Variants in SAMMSON observed in about 807,000 individuals in gnomAD.
SAMMSON encodes the protein survival associated mitochondrial melanoma specific oncogenic non-coding RNA, also known as long intergenic non-protein coding RNA 1212.
intron 6 of SAMMSON, among the ~76,000 whole-genome samples, chr3:70,280,153 T>C (rs980840716): frequency 1.3e-5 from 2 of 152,140 alleles, no homozygotes; most frequent in African/African-American, 2.4e-5. Flanking sequence ...TCCTGACCTG[T>C]GACTGCTGCA....
chr3:70,110,976 G>A (rs1020290470), intron 4 of SAMMSON, among the ~76,000 whole-genome samples: 7 of 152,150 alleles, frequency 4.6e-5, no homozygotes, highest in African/African-American at 1.7e-4. Context: ...TACTCACGAT[G>A]CTCCTGGCTT....
intron 4 of SAMMSON, among the ~76,000 whole-genome samples, chr3:70,073,968 T>C (rs938104405): frequency 6.6e-6 from 1 of 152,050 alleles, no homozygotes; most frequent in Non-Finnish European, 1.5e-5. Context: ...CTGGCTTCCT[T>C]TCTAGCAGGT....
chr3:70,242,967 G>T (rs946610874), intron 4 of SAMMSON, among the ~76,000 whole-genome samples: 3 of 152,100 alleles, frequency 2.0e-5, no homozygotes, highest in Non-Finnish European at 4.4e-5. Flanking sequence ...ATTGCCCCAG[G>T]CCTAACCTAA....
At chr3:70,206,985 C>A (rs1254695365) in intron 4 of SAMMSON, among the ~76,000 whole-genome samples, 2 of 150,450 alleles carry the variant, frequency 1.3e-5, no homozygotes, top group Non-Finnish European at 3.0e-5. Flanking sequence ...AAATTTTATA[C>A]ACATTGCAAA....
chr3:70,284,838 A>AC, intron 6 of SAMMSON, among the ~76,000 whole-genome samples: 1 of 151,728 alleles, frequency 6.6e-6, no homozygotes. Context: ...TGTATAACAA[A>AC]CCCCCATGAC....
At chr3:70,372,721 G>A (rs1702980769) in intron 9 of SAMMSON, among the ~76,000 whole-genome samples, 1 of 152,056 alleles carries the variant, frequency 6.6e-6, no homozygotes. Context: ...CCTCATCAGG[G>A]TCTTGTAGAA....
chr3:70,026,043 A>G (rs1334682985), intron 3 of SAMMSON, among the ~76,000 whole-genome samples: 1 of 152,204 alleles, frequency 6.6e-6, no homozygotes, highest in Non-Finnish European at 1.5e-5. Context: ...GAAATGACAA[A>G]CAATGAAATT....
chr3:70,027,865 G>A (rs759511855), intron 3 of SAMMSON, among the ~76,000 whole-genome samples: 4 of 152,104 alleles, frequency 2.6e-5, no homozygotes, highest in Non-Finnish European at 4.4e-5. Context: ...AAGGTAATGC[G>A]GTGATTTCTT....
intron 7 of SAMMSON, chr3:70,312,824 C>T (rs1702466796): frequency 6.6e-6 from 1 of 151,772 alleles, no homozygotes; most frequent in Non-Finnish European, 1.5e-5. Context: ...TTTAAAATGA[C>T]ATTCTGCAAA....
At chr3:70,211,895 G>GTCCTTTCCTTTCCTTTCCTTTGTCCTT (rs138398263) in intron 4 of SAMMSON, among the ~76,000 whole-genome samples, 1 of 132,152 alleles carries the variant, frequency 7.6e-6, no homozygotes, top group African/African-American at 2.9e-5. Flanking sequence ...CCTTCCCTTT[G>GTCCTTTCCTTTCCTTTCCTTTGTCCTT]TCCTTTCCTT....
intron 7 of SAMMSON, among the ~76,000 whole-genome samples, chr3:70,353,933 G>T (rs1054573453): frequency 6.6e-5 from 10 of 152,060 alleles, no homozygotes; most frequent in African/African-American, 2.4e-4. Context: ...ATATGCTAAG[G>T]GATAAAAGCC....
At chr3:70,140,114 C>G (rs1347172821) in intron 4 of SAMMSON, 2 of 153,892 alleles carry the variant, frequency 1.3e-5, no homozygotes, top group Admixed American at 1.3e-4. Flanking sequence ...ACTTTCAACA[C>G]TGCTTAAAAC....
intron 4 of SAMMSON, among the ~76,000 whole-genome samples, chr3:70,234,193 C>A (rs1469702658): frequency 6.6e-6 from 1 of 152,148 alleles, no homozygotes; most frequent in African/African-American, 2.4e-5. Context: ...TGAGACAATT[C>A]CACTTTTCAA....
chr3:70,258,627 C>T (rs992942205), intron 6 of SAMMSON, among the ~76,000 whole-genome samples: 4 of 152,116 alleles, frequency 2.6e-5, no homozygotes, highest in African/African-American at 9.7e-5. Flanking sequence ...TATGCTCTGA[C>T]TTAGCTCTCA....
At chr3:70,071,945 A>C (rs1253048544) in intron 4 of SAMMSON, 1 of 151,872 alleles carries the variant, frequency 6.6e-6, no homozygotes, top group Non-Finnish European at 1.5e-5. Flanking sequence ...AGACAAATGT[A>C]TAGGCATTTA....
chr3:70,047,974 T>C (rs912907862), intron 3 of SAMMSON, among the ~76,000 whole-genome samples: 1 of 152,040 alleles, frequency 6.6e-6, no homozygotes, highest in African/African-American at 2.4e-5. Flanking sequence ...CACTGTTGTA[T>C]TGGGGATTAA....
chr3:70,192,655 C>A (rs1008276783), intron 4 of SAMMSON, among the ~76,000 whole-genome samples: 1 of 152,152 alleles, frequency 6.6e-6, no homozygotes, highest in Non-Finnish European at 1.5e-5. Flanking sequence ...TTAGAACTAG[C>A]GTTGCCAGAT....
At chr3:70,008,770 T>C (rs944847506) in intron 1 of SAMMSON, among the ~76,000 whole-genome samples, 2 of 152,190 alleles carry the variant, frequency 1.3e-5, no homozygotes, top group Non-Finnish European at 2.9e-5. Flanking sequence ...ATATTGGCTG[T>C]GGGTTTGTTA....
At chr3:70,256,599 G>A (rs1701818919) in intron 6 of SAMMSON, among the ~76,000 whole-genome samples, 2 of 152,112 alleles carry the variant, frequency 1.3e-5, no homozygotes, top group African/African-American at 4.8e-5. Context: ...TGCTCCATCA[G>A]TAAATAATGG....
Sources: allele counts gnomAD v4.1 joint callset (sites outside exome capture counted in the v4.1 genomes callset), GRCh38; gene constraint gnomAD v4.1.1; transcripts MANE v1.5; gene names NCBI Gene and HGNC (gene_info 2026-07-23, HGNC 2026-07-21).